Variants in MSH3 observed in about 807,000 individuals in gnomAD.
The protein encoded by MSH3 is DNA mismatch repair protein Msh3.
In MSH3, 106 loss-of-function variants were observed where a neutral mutation model predicts 123.3. The observed-to-expected ratio is 0.86, with a 90% CI of 0.73 to 1.01. MSH3 has a LOEUF of 1.01. Ranked by LOEUF, MSH3 falls within the 50% of genes least tolerant of loss-of-function variation. The pLI is 0.00. For synonymous variants in MSH3, 515 were observed against 481.4 expected (o/e 1.07, Z -0.91); for missense variants, 1,459 against 1,347.6 (o/e 1.08, Z -1.29).
chr5:80,758,662 G>C (rs1743973424), intron 12 of MSH3, among the ~76,000 whole-genome samples: 1 of 152,064 alleles, frequency 6.6e-6, no homozygotes, highest in Non-Finnish European at 1.5e-5. Flanking sequence ...TTTCCTTTAT[G>C]TTTTCCCAGA....
intron 8 of MSH3, among the ~76,000 whole-genome samples, chr5:80,687,377 G>A (rs1231550330): frequency 4.6e-5 from 7 of 152,188 alleles, no homozygotes; most frequent in Non-Finnish European, 8.8e-5. Flanking sequence ...TTTAGAAAGC[G>A]ATAAACAAAT....
At chr5:80,814,366 A>G (rs1199990837) in intron 20 of MSH3, among the ~76,000 whole-genome samples, 2 of 152,112 alleles carry the variant, frequency 1.3e-5, no homozygotes, top group Admixed American at 6.6e-5. Flanking sequence ...TTGCCTCCCC[A>G]GTTCAAGCTA....
rs1744770837 is a variant in MSH3, at chr5:80,800,376, T to A, written c.2655+7532T>A. ...CTGGTATTCCCAGTAGGCTCCAGAG[T>A]GTGTGGAGAGGTGGTTATTGCCAAC... On this transcript the variant is annotated intron_variant, in intron 19 of 23. Transcript: ENST00000265081. Among the ~76,000 whole-genome samples, 3 of 152,088 alleles carry A rather than the reference T, an allele frequency of 2.0e-5. 1 individual carries two copies. The South Asian group carries it at 6.2e-4, about 32-fold the overall frequency.
At chr5:80,740,732 C>A (rs1743598044) in intron 10 of MSH3, among the ~76,000 whole-genome samples, 1 of 141,314 alleles carries the variant, frequency 7.1e-6, no homozygotes, top group Non-Finnish European at 1.5e-5. Context: ...TTTTTTTTGC[C>A]GAGGCGTAGT....
intron 13 of MSH3, among the ~76,000 whole-genome samples, chr5:80,766,565 G>A (rs1013580658): frequency 6.6e-6 from 1 of 151,824 alleles, no homozygotes; most frequent in Non-Finnish European, 1.5e-5. Context: ...GGCTGGTCTC[G>A]AACTCCTGAC....
At chr5:80,779,189 C>T (rs537142029) in intron 17 of MSH3, among the ~76,000 whole-genome samples, 26 of 152,008 alleles carry the variant, frequency 1.7e-4, no homozygotes, top group Middle Eastern at 3.4e-3. Flanking sequence ...GACGGGATTT[C>T]GCCATGTTGG....
Position 80,875,653 on chromosome 5 carries a change from G to C in MSH3, c.3303-98G>C, listed in dbSNP as rs539383193. On this transcript the variant is annotated intron_variant, in intron 23 of 23. Coordinates refer to ENST00000265081, the MANE Select transcript of MSH3 (RefSeq NM_002439.5). ...AGCTTCCTAACTATAGAGCCTGCCCGGTATTCAAGTGTTATAGACTTTTCA... is the reference window on the plus strand; with the variant it reads ...AGCTTCCTAACTATAGAGCCTGCCCCGTATTCAAGTGTTATAGACTTTTCA... 4.2e-6 allele frequency: 3 copies of C among 722,048 alleles called. No homozygotes were observed. The East Asian group carries it at 8.1e-5, about 20-fold the overall frequency. The allele number at this position is 722,048 out of a possible 1,614,324, so 44.7% of individuals were successfully genotyped here. A position where few individuals can be genotyped will look rare whatever the true frequency, so the allele number is the denominator to read the frequency against.
At chr5:80,790,836 G>A (rs905014674) in intron 18 of MSH3, among the ~76,000 whole-genome samples, 7 of 152,182 alleles carry the variant, frequency 4.6e-5, no homozygotes, top group Admixed American at 3.3e-4. Context: ...ATCAGATGAT[G>A]AATGTGAAGA....
intron 7 of MSH3, among the ~76,000 whole-genome samples, chr5:80,676,912 G>A (rs556771788): frequency 2.0e-5 from 3 of 152,286 alleles, no homozygotes; most frequent in East Asian, 3.9e-4. Flanking sequence ...CCATGTGTGC[G>A]AACTGGGACT....
intron 22 of MSH3, among the ~76,000 whole-genome samples, chr5:80,868,460 C>T (rs1315474293): frequency 6.6e-6 from 1 of 151,016 alleles, no homozygotes; most frequent in Non-Finnish European, 1.5e-5. Flanking sequence ...AGATCATGTC[C>T]TTTGCCGGAA....
intron 16 of MSH3, among the ~76,000 whole-genome samples, 159 bp from the exon 17 acceptor site, chr5:80,778,561 G>A (rs1157923995): frequency 6.6e-6 from 1 of 152,224 alleles, no homozygotes; most frequent in Non-Finnish European, 1.5e-5. Flanking sequence ...TTTGGAATCA[G>A]TAGAGTTCAG....
intron 8 of MSH3, chr5:80,715,223 A>G (rs1166887833): frequency 6.6e-6 from 1 of 152,140 alleles, no homozygotes; most frequent in African/African-American, 2.4e-5. Flanking sequence ...GCACTACTTT[A>G]TAGGTTGAGT....
chr5:80,828,795 T>A (rs570974160), intron 20 of MSH3, among the ~76,000 whole-genome samples: 1 of 152,316 alleles, frequency 6.6e-6, no homozygotes, highest in East Asian at 1.9e-4. Context: ...GTAATCTTCC[T>A]TGGTTCCATG....
Position 80,820,086 on chromosome 5 carries a change from G to A in MSH3, c.2813+6345G>A, listed in dbSNP as rs141904659. ...TGTTTTTCCTGTCATCTTCCAGAAA[G>A]GAATGAGACAGCTTGCAGAAAATTC... On this transcript the variant is annotated intron_variant, in intron 20 of 23. Transcript: ENST00000265081. 4.3e-3 allele frequency among the ~76,000 whole-genome samples: 650 copies of A among 152,284 alleles called. 5 individuals carry two copies. Among genetic ancestry groups the A allele is most frequent in the African/African-American group, 0.015 (603 of 41,562 alleles).
At chr5:80,694,028 A>C (rs1451636319) in intron 8 of MSH3, among the ~76,000 whole-genome samples, 1 of 152,188 alleles carries the variant, frequency 6.6e-6, no homozygotes, top group Non-Finnish European at 1.5e-5. Context: ...TAGCAAATGA[A>C]GCAATGGAGC....
At chr5:80,869,839 TATACACAC>T (rs1454649699) in intron 22 of MSH3, among the ~76,000 whole-genome samples, 1 of 54,710 alleles carries the variant, frequency 1.8e-5, no homozygotes, top group African/African-American at 5.5e-5. Context: ...TATACATATA[TATACACAC>T]ACACACACAC....
chr5:80,796,220 AT>A (rs1172336111), intron 19 of MSH3, among the ~76,000 whole-genome samples: 1 of 151,832 alleles, frequency 6.6e-6, no homozygotes, highest in Non-Finnish European at 1.5e-5. Context: ...TTCCTTTTTC[AT>A]TCTTTTTCTT....
chr5:80,740,904 C>T (rs1053134014), intron 10 of MSH3, among the ~76,000 whole-genome samples: 3 of 151,632 alleles, frequency 2.0e-5, no homozygotes, highest in African/African-American at 4.8e-5. Context: ...TTAGTAGAGA[C>T]GAGGTTTTGC....
chr5:80,828,829 G>A (rs537170947), intron 20 of MSH3, among the ~76,000 whole-genome samples: 4 of 152,316 alleles, frequency 2.6e-5, no homozygotes, highest in Admixed American at 2.0e-4. Context: ...ATACACCAGT[G>A]TGAGGATTGG....
Sources: gnomAD v4.1 joint callset for allele counts (sites outside exome capture counted in the v4.1 genomes callset) on GRCh38, gnomAD v4.1.1 for gene constraint, MANE v1.5 for transcripts, NCBI Gene and HGNC (gene_info 2026-07-23, HGNC 2026-07-21) for gene names.